Variants in TJAP1 observed in about 807,000 individuals in gnomAD.
TJAP1 encodes tight junction associated protein 1, also known as tight junction-associated protein 1.
In TJAP1, 27 loss-of-function variants were observed where a neutral mutation model predicts 42.0. That is an observed-to-expected ratio of 0.64 (90% confidence interval 0.47 to 0.89). TJAP1 has a LOEUF of 0.89. Ranked by LOEUF, TJAP1 falls within the 40% of genes least tolerant of loss-of-function variation. TJAP1 has a pLI of 0.00. For synonymous variants in TJAP1, 257 were observed against 288.4 expected (o/e 0.89, Z 1.10); for missense variants, 712 against 726.9 (o/e 0.98, Z 0.24).
rs1004777032 is a variant in TJAP1, at chr6:43,491,669, A to G, written c.-121-6212A>G. Among the ~76,000 whole-genome samples the G allele has an allele frequency of 3.9e-5, 6 of 152,242 alleles. No homozygotes were observed. The highest frequency in any genetic ancestry group is 1.4e-4 in the African/African-American group (6 of 41,458). On this transcript the variant is annotated intron_variant, in intron 2 of 10. Transcript: ENST00000372449. This position sits in a 1 kb window ranked among gnomAD's most constrained non-coding sequence, Gnocchi z 4.6. ...CTATGCAATATTAAGGATTTATAGT[A>G]CTGATCAATATCCATGTGGAAATGA...
chr6:43,501,658 G>C (rs919080224), exon 6 of TJAP1: 15 of 1,468,328 alleles, frequency 1.0e-5, no homozygotes, highest in Non-Finnish European at 1.4e-5. Flanking sequence ...GCCGCGAGGA[G>C]CTGGACAAAT....
exon 11 of TJAP1, chr6:43,504,956 G>T (rs752792055): frequency 6.2e-7 from 1 of 1,614,182 alleles, no homozygotes; most frequent in South Asian, 1.1e-5. Context: ...CTTGGCTGAG[G>T]ATGTCTTTGT....
At chr6:43,501,758 A>ACACACACTCTCT (rs1423256237) in intron 6 of TJAP1, 71 bp downstream of exon 6, 12 of 493,616 alleles carry the variant, frequency 2.4e-5, no homozygotes, top group Non-Finnish European at 4.0e-5. Flanking sequence ...ACACACACAC[A>ACACACACTCTCT]CTCTCTCTGT....
At chr6:43,502,750 C>A in intron 8 of TJAP1, 133 bp downstream of exon 8, 1 of 1,020,206 alleles carries the variant, frequency 9.8e-7, no homozygotes, top group Non-Finnish European at 1.5e-6. Flanking sequence ...GTATGAGGCC[C>A]GTTTAACTGT....
chr6:43,500,839 G>A (rs1413872153), intron 5 of TJAP1, 67 bp downstream of exon 5: 3 of 1,576,096 alleles, frequency 1.9e-6, no homozygotes, highest in Admixed American at 3.3e-5. Flanking sequence ...AGGCTAGACT[G>A]TTGGTACAGT....
intron 5 of TJAP1, chr6:43,501,023 T>C (rs1790398719): frequency 9.3e-6 from 5 of 535,956 alleles, no homozygotes; most frequent in Middle Eastern, 5.0e-4. Flanking sequence ...CCTGCTCTTC[T>C]TGCTAAGGAG....
intron 2 of TJAP1, among the ~76,000 whole-genome samples, chr6:43,493,671 A>G (rs931738550): frequency 6.6e-6 from 1 of 152,148 alleles, no homozygotes; most frequent in Non-Finnish European, 1.5e-5. Flanking sequence ...AAAGGATGGC[A>G]GAAGGGAAGT....
intron 5 of TJAP1, chr6:43,501,055 C>T: frequency 2.0e-6 from 1 of 493,772 alleles, no homozygotes; most frequent in South Asian, 2.6e-5. Context: ...CTCCTGGCTC[C>T]TGTACCAGCT....
At chr6:43,501,475 C>A in intron 5 of TJAP1, 51 bp from the exon 6 acceptor site, 1 of 1,532,144 alleles carries the variant, frequency 6.5e-7, no homozygotes, top group Non-Finnish European at 8.9e-7. Flanking sequence ...CCAGGGCATG[C>A]CCTTCTATCT....
chr6:43,501,492 C>A (rs746280884), intron 5 of TJAP1, 34 bp from the exon 6 acceptor site: 6 of 1,594,682 alleles, frequency 3.8e-6, no homozygotes, highest in African/African-American at 2.7e-5. Context: ...ATCTCTCATA[C>A]CCCTCTGCCC....
chr6:43,481,585 GAA>G (rs200593295), intron 2 of TJAP1, among the ~76,000 whole-genome samples: 4 of 120,490 alleles, frequency 3.3e-5, no homozygotes, highest in East Asian at 2.4e-4. Flanking sequence ...AAACTACACA[GAA>G]AAAAAAAAAA....
chr6:43,496,502 C>G (rs896866701), intron 2 of TJAP1, among the ~76,000 whole-genome samples: 4 of 152,234 alleles, frequency 2.6e-5, no homozygotes, highest in African/African-American at 9.6e-5. Flanking sequence ...CGTTCTGCCT[C>G]CTGTCAGGGG....
intron 2 of TJAP1, among the ~76,000 whole-genome samples, chr6:43,493,741 G>A (rs1020529710): frequency 2.6e-5 from 4 of 152,104 alleles, no homozygotes; most frequent in African/African-American, 9.7e-5. Flanking sequence ...ATGGGTGCTT[G>A]CTGGGAACGG....
At chr6:43,479,589 T>G (rs1010864467) in intron 2 of TJAP1, among the ~76,000 whole-genome samples, 1 of 152,018 alleles carries the variant, frequency 6.6e-6, no homozygotes, top group Admixed American at 6.6e-5. Flanking sequence ...GCCAGGAGTT[T>G]GAGGCTGCAA....
intron 3 of TJAP1, among the ~76,000 whole-genome samples, chr6:43,498,211 C>G (rs1208237390): frequency 6.6e-6 from 1 of 152,196 alleles, no homozygotes; most frequent in African/African-American, 2.4e-5. Flanking sequence ...TTTTTTTAAA[C>G]TAACATTTAT....
rs1424948222 is a variant in TJAP1, at chr6:43,492,339, T to G, written c.-121-5542T>G. Among the ~76,000 whole-genome samples, 1 of 151,758 alleles carries G rather than the reference T, an allele frequency of 6.6e-6. No homozygotes were observed. Among genetic ancestry groups the G allele is most frequent in the African/African-American group, 2.4e-5 (1 of 41,278 alleles). ...GGCAACTTGTCCCAAGAGGGTGAGG[T>G]TGTACTTGCCCAGAGGGGTGGCGGG... On this transcript the variant is annotated intron_variant, in intron 2 of 10. Coordinates refer to ENST00000372449, the Ensembl canonical transcript of TJAP1. This position sits in a 1 kb window ranked among gnomAD's most constrained non-coding sequence, Gnocchi z 4.2.
At chr6:43,500,253 C>T (rs180733408) in intron 4 of TJAP1, among the ~76,000 whole-genome samples, 29 of 152,340 alleles carry the variant, frequency 1.9e-4, no homozygotes, top group Non-Finnish European at 3.7e-4. Context: ...GATTAGTCCT[C>T]TTCTCCCATG....
chr6:43,497,956 G>A (rs1285788943), exon 3 of TJAP1: 5 of 152,298 alleles, frequency 3.3e-5, no homozygotes, highest in African/African-American at 1.2e-4. Context: ...GCGGAACAGA[G>A]AGAGCTGCCG....
At chr6:43,504,715 T>C in intron 10 of TJAP1, 46 bp from the exon 11 acceptor site, 1 of 1,583,966 alleles carries the variant, frequency 6.3e-7, no homozygotes, top group Non-Finnish European at 8.6e-7. Flanking sequence ...CAAGTTATCT[T>C]TGGCTGCGAT....
Sources: gnomAD v4.1 joint callset for allele counts (sites outside exome capture counted in the v4.1 genomes callset) on GRCh38, gnomAD v4.1.1 for gene constraint, Gnocchi (gnomAD v3.1) non-coding constraint, MANE v1.5 for transcripts, NCBI Gene and HGNC (gene_info 2026-07-23, HGNC 2026-07-21) for gene names.